The following ENO4 variants were observed in gnomAD, a reference collection of about 807,000 sequenced individuals.
ENO4 encodes the protein enolase 4.
Under a neutral mutation model 63.2 loss-of-function variants are expected in ENO4, and 53 were observed. The observed-to-expected ratio is 0.84, with a 90% CI of 0.67 to 1.05. ENO4 has a LOEUF of 1.05. Among genes scored for constraint, ENO4 ranks in the 50% least tolerant of loss-of-function variants. The pLI is 0.00. For synonymous variants in ENO4, 266 were observed against 283.8 expected, an observed-to-expected ratio of 0.94 and a Z score of 0.63; for missense variants, 719 against 772.0, an observed-to-expected ratio of 0.93 and a Z score of 0.81.
At chr10:116,884,101 G>A (rs1421024367), downstream of ENO4, 1 of 410,820 alleles carries the variant, frequency 2.4e-6, no homozygotes, top group Non-Finnish European at 5.0e-6. Flanking sequence ...TAACCTTTTA[G>A]AGAAATCAAA....
rs537871560 is a variant in ENO4, at chr10:116,856,767, C to T, written c.485+85C>T. ...CTGTAATCCCAGCACTTTGGGAGGC[C>T]GAGGCGGGCAGATCACGAGGTCAGG... On this transcript the variant is annotated intron_variant, in intron 3 of 13. Transcript: ENST00000341276. The T allele has an allele frequency of 3.9e-4, 463 of 1,188,556 alleles. 7 individuals carry two copies. In the South Asian group the frequency reaches 7.1e-3, roughly 18 times the overall value. 73.6% of individuals were successfully genotyped at this position (1,188,556 alleles called of 1,614,324 possible). A position where few individuals can be genotyped will look rare whatever the true frequency, so the allele number is the denominator to read the frequency against.
intron 10 of ENO4, among the ~76,000 whole-genome samples, chr10:116,902,596 T>C (rs1847789171): frequency 2.0e-5 from 3 of 152,344 alleles, no homozygotes; most frequent in East Asian, 1.9e-4. Context: ...ACTGGAATTA[T>C]TGGCATATCA....
At chr10:116,893,987 A>C (rs1372926797) in intron 10 of ENO4, among the ~76,000 whole-genome samples, 1 of 152,230 alleles carries the variant, frequency 6.6e-6, no homozygotes, top group East Asian at 1.9e-4. Context: ...TTTCTACATT[A>C]GTTTCACATC....
intron 2 of ENO4, 116 bp from the exon 3 acceptor site, chr10:116,856,376 C>G: frequency 1.3e-6 from 1 of 784,322 alleles, no homozygotes; most frequent in Non-Finnish European, 2.0e-6. Flanking sequence ...TATATATTCT[C>G]ATTGTCCCCT....
downstream of ENO4, chr10:116,885,112 C>T (rs965772513): frequency 6.6e-6 from 1 of 152,624 alleles, no homozygotes; most frequent in Non-Finnish European, 1.5e-5. Context: ...ATGCTTACCA[C>T]ACGTGCAAAA....
intron 10 of ENO4, among the ~76,000 whole-genome samples, chr10:116,874,517 C>T (rs1395672180): frequency 6.6e-6 from 1 of 152,176 alleles, no homozygotes; most frequent in African/African-American, 2.4e-5. Context: ...TATTTACAAG[C>T]AACCTAACAG....
chr10:116,875,823 T>C (rs769390318), intron 10 of ENO4, among the ~76,000 whole-genome samples: 5 of 152,148 alleles, frequency 3.3e-5, no homozygotes, highest in Non-Finnish European at 7.4e-5. Context: ...AGAAATAACA[T>C]TTAGTGTAGT....
At chr10:116,874,482 C>T (rs1349856007) in intron 10 of ENO4, among the ~76,000 whole-genome samples, 1 of 152,128 alleles carries the variant, frequency 6.6e-6, no homozygotes, top group Non-Finnish European at 1.5e-5. Flanking sequence ...ACACGTTATT[C>T]GCAAGCCCTT....
intron 4 of ENO4, 46 bp from the exon 5 acceptor site, chr10:116,860,748 A>G: frequency 8.0e-7 from 1 of 1,250,806 alleles, no homozygotes. Flanking sequence ...ATCTGTAAGT[A>G]AAGCATTTAG....
chr10:116,862,908 T>C, intron 7 of ENO4, 56 bp downstream of exon 7: 2 of 1,150,274 alleles, frequency 1.7e-6, no homozygotes, highest in East Asian at 5.1e-5. Flanking sequence ...CCTTCTAGCA[T>C]GCAACTTGTA....
chr10:116,868,533 G>GTGCACACATACA, intron 7 of ENO4, 117 bp from the exon 8 acceptor site: 5 of 814,880 alleles, frequency 6.1e-6, no homozygotes, highest in Non-Finnish European at 1.1e-5. Flanking sequence ...GCGTGTATGT[G>GTGCACACATACA]TGCACACGTG....
chr10:116,876,007 G>T, intron 10 of ENO4, 58 bp from the exon 11 acceptor site: 1 of 1,292,090 alleles, frequency 7.7e-7, no homozygotes, highest in South Asian at 1.6e-5. Context: ...TATTATTCCT[G>T]TTGTTTTGTA....
At position 116,908,900 on chromosome 10, in the gene ENO4, G is replaced by A. The variant is rs570521529; in HGVS notation, c.1195-2599G>A. On this transcript the variant is annotated intron_variant, in intron 10 of 10. Coordinates refer to the ENO4 transcript ENST00000369207. ...CTTCTTTCTCCATTTACTGATGGAT[G>A]TGGTGGCTTCAGCTAACATATGAGT... Among the ~76,000 whole-genome samples the A allele has an allele frequency of 2.6e-5, 4 of 152,288 alleles. No individual in the cohort carries two copies. The East Asian group carries it at 5.8e-4, about 22-fold the overall frequency.
At chr10:116,911,732 A>G in exon 11 of ENO4, 1 of 1,576,868 alleles carries the variant, frequency 6.3e-7, no homozygotes, top group South Asian at 1.1e-5. Context: ...AACAGATTTT[A>G]AAATACTCTC....
chr10:116,892,777 C>A (rs560539968), intron 10 of ENO4, among the ~76,000 whole-genome samples: 1 of 152,250 alleles, frequency 6.6e-6, no homozygotes, highest in South Asian at 2.1e-4. Flanking sequence ...ATTCTGAGAT[C>A]TGACATTGCA....
intron 9 of ENO4, chr10:116,873,838 C>A: frequency 5.1e-6 from 5 of 983,920 alleles, no homozygotes; most frequent in Non-Finnish European, 6.0e-6. Flanking sequence ...GAAGCTGCAT[C>A]TGAAGTCTGT....
intron 10 of ENO4, among the ~76,000 whole-genome samples, chr10:116,906,067 G>A (rs1490942169): frequency 6.6e-6 from 1 of 152,244 alleles, no homozygotes; most frequent in South Asian, 2.1e-4. Context: ...TGATTTTCCT[G>A]CATTTGTAAC....
At chr10:116,856,458 G>A (rs1228980595) in intron 2 of ENO4, 34 bp from the exon 3 acceptor site, 1 of 1,506,258 alleles carries the variant, frequency 6.6e-7, no homozygotes, top group South Asian at 1.2e-5. Context: ...GGGAGAGGTA[G>A]GGAAAGTGTT....
rs140365728 is a variant in ENO4, at chr10:116,867,264, C to G, written c.991-1386C>G. 3.6e-3 allele frequency among the ~76,000 whole-genome samples: 553 copies of G among 152,176 alleles called. 2 individuals are homozygous for G. The highest frequency in any genetic ancestry group is 0.013 in the African/African-American group (530 of 41,514). On this transcript the variant is annotated intron_variant, in intron 7 of 13. Transcript: ENST00000341276. ...CTAGGAACTCCTGAGTTGCCTAATT[C>G]TTATTAAGGAAAGATTATATTTGTT...
Sources: gnomAD v4.1 joint callset for allele counts (sites outside exome capture counted in the v4.1 genomes callset) on GRCh38, gnomAD v4.1.1 for gene constraint, MANE v1.5 for transcripts, NCBI Gene and HGNC (gene_info 2026-07-23, HGNC 2026-07-21) for gene names.